Variants in ETFB observed in about 807,000 individuals in gnomAD.
ETFB encodes electron transfer flavoprotein subunit beta.
In ETFB, 20 loss-of-function variants were observed where a neutral mutation model predicts 25.6. That is an observed-to-expected ratio of 0.78 (90% CI 0.55 to 1.14). The LOEUF is 1.14. ETFB is among the 50% of genes most tolerant of loss of function. ETFB has a pLI of 0.00. For synonymous variants in ETFB, 142 were observed against 146.7 expected (o/e 0.97, Z 0.23); for missense variants, 286 against 342.6 (o/e 0.83, Z 1.30).
At chr19:51,352,752 C>T (rs889342580) in intron 3 of ETFB, among the ~76,000 whole-genome samples, 1 of 152,152 alleles carries the variant, frequency 6.6e-6, no homozygotes, top group Non-Finnish European at 1.5e-5. Context: ...CTCAGCCTCC[C>T]AAGTAGCTGG....
chr19:51,345,194 C>T lies in ETFB; in HGVS notation c.*17G>A. The T allele has an allele frequency of 1.2e-6, 2 of 1,613,346 alleles. No homozygotes were observed. The highest frequency in any genetic ancestry group is 1.7e-6 in the Non-Finnish European group (2 of 1,179,318). ...TAGATGTTGAGAGTCAGTTTTATTG[C>T]CATCTCTGGGAGGGGCTCAAATCCG... On this transcript the variant is annotated 3_prime_UTR_variant, in exon 6 of 6. Transcript: ENST00000309244.
chr19:51,362,544 C>T (rs1241436365), intron 1 of ETFB, among the ~76,000 whole-genome samples: 3 of 152,188 alleles, frequency 2.0e-5, no homozygotes, highest in African/African-American at 7.2e-5. Flanking sequence ...CACTGCACTC[C>T]AGCCTGGGCA....
rs4802789 is a variant in ETFB, at chr19:51,350,214, C to T, written c.438+115G>A. On this transcript the variant is annotated intron_variant, in intron 4 of 5. Transcript: ENST00000309244. ...GGAACAAGAAAGCCATGAGGCAATC[C>T]GAGGGAACAGTGTTCCAGGAGGAGA... is the stretch of plus-strand genomic sequence containing the variant. 0.85 allele frequency: 1,019,323 copies of T among 1,192,750 alleles called. 438,859 individuals are homozygous for T. The highest frequency in any genetic ancestry group is 0.94 in the African/African-American group (62,698 of 66,426). The allele number at this position is 1,192,750 out of a possible 1,614,324, so 73.9% of individuals were successfully genotyped here.
intron 1 of ETFB, chr19:51,354,836 G>C: frequency 1.7e-6 from 1 of 592,964 alleles, no homozygotes; most frequent in Non-Finnish European, 2.9e-6. Flanking sequence ...GAAGCCTTTT[G>C]TTCTTTGCGT....
At chr19:51,351,367 C>T (rs550085350) in intron 3 of ETFB, among the ~76,000 whole-genome samples, 15 of 152,250 alleles carry the variant, frequency 9.9e-5, no homozygotes, top group Non-Finnish European at 2.1e-4. Flanking sequence ...GACCCTGGAT[C>T]AAGCTGTGCC....
intron 1 of ETFB, among the ~76,000 whole-genome samples, chr19:51,364,198 G>A (rs1458409719): frequency 6.6e-6 from 1 of 152,134 alleles, no homozygotes; most frequent in African/African-American, 2.4e-5. Flanking sequence ...AGGGCAAGAA[G>A]GGTGGGGGGT....
chr19:51,364,425 G>C (rs543503221), intron 1 of ETFB, among the ~76,000 whole-genome samples: 1 of 152,142 alleles, frequency 6.6e-6, no homozygotes, highest in East Asian at 1.9e-4. Flanking sequence ...GATTCAACGC[G>C]GCCTTCACGC....
At chr19:51,366,140 A>ACGTTAG (rs1986358571) in intron 1 of ETFB, 130 bp downstream of exon 1, 1 of 893,222 alleles carries the variant, frequency 1.1e-6, no homozygotes, top group Non-Finnish European at 1.9e-6. Context: ...CCCTCAGGTG[A>ACGTTAG]CTTTGACGTT....
intron 1 of ETFB, among the ~76,000 whole-genome samples, chr19:51,358,929 G>A (rs939692478): frequency 3.9e-5 from 6 of 151,994 alleles, no homozygotes; most frequent in African/African-American, 1.2e-4. Flanking sequence ...AGCCCAGGAG[G>A]TCAAGGGTGC....
chr19:51,352,985 CA>C, intron 3 of ETFB, 146 bp downstream of exon 3: 1 of 959,342 alleles, frequency 1.0e-6, no homozygotes, highest in Non-Finnish European at 1.6e-6. Context: ...AACTCTCTGT[CA>C]GAAGGGTCAG....
intron 4 of ETFB, chr19:51,347,313 C>T (rs1180894900): frequency 5.7e-6 from 3 of 528,822 alleles, no homozygotes; most frequent in Middle Eastern, 5.1e-4. Flanking sequence ...GCCTTCCTGA[C>T]AGGGAACATG....
chr19:51,353,211 A>C lies in ETFB; in HGVS notation c.296T>G (p.Leu99Trp). ...VEVPPAEAER[L>W]GPLQVARVLA... is the part of the protein sequence containing the mutation. ...GACCCGAGCCACCTGCAGGGGACCC[A>C]AGCGTTCTGCTTCTGCTGGGGGCAC... Residue 99 changes from leucine to tryptophan, a missense_variant, in exon 3 of 6, where the codon TTG becomes TGG. Leu to Trp is a moderately conservative substitution (Grantham distance 61, BLOSUM62 -2). Transcript: ENST00000309244. 6.2e-7 allele frequency: 1 copy of C among 1,614,076 alleles called. No individual in the cohort carries two copies. The highest frequency in any genetic ancestry group is 8.5e-7 in the Non-Finnish European group (1 of 1,179,998).
chr19:51,359,576 T>G (rs1270749493), intron 1 of ETFB, among the ~76,000 whole-genome samples: 5 of 150,550 alleles, frequency 3.3e-5, no homozygotes, highest in Admixed American at 2.0e-4. Flanking sequence ...GTAAGAACTT[T>G]CCAGACACAC....
At chr19:51,362,553 C>A (rs1372660667) in intron 1 of ETFB, among the ~76,000 whole-genome samples, 1 of 152,120 alleles carries the variant, frequency 6.6e-6, no homozygotes, top group African/African-American at 2.4e-5. Flanking sequence ...CCAGCCTGGG[C>A]AACAGAGATA....
At chr19:51,353,983 C>A (rs1294514396) in intron 2 of ETFB, among the ~76,000 whole-genome samples, 167 bp downstream of exon 2, 8 of 148,232 alleles carry the variant, frequency 5.4e-5, no homozygotes, top group Non-Finnish European at 3.0e-5. Flanking sequence ...TCCAGGCCCC[C>A]ATCCCCTTCT....
At chr19:51,355,065 G>C (rs1986045439) in intron 1 of ETFB, 1 of 180,908 alleles carries the variant, frequency 5.5e-6, no homozygotes, top group South Asian at 1.1e-4. Flanking sequence ...TACTCAAACA[G>C]CTACAGAGAT....
At position 51,345,246 on chromosome 19, in the gene ETFB, G is replaced by C. The variant is rs1195632363; in HGVS notation, c.733C>G (p.Leu245Val). Residue 245 changes from leucine to valine, a missense_variant, in exon 6 of 6, where the codon CTG (leucine) becomes GTG (valine). Transcript: ENST00000309244. ...AGVKVETTED[L>V]VAKLKEIGRI ...CCAATCTCCTTCAGCTTGGCCACCA[G>C]GTCCTCAGTGGTCTCCACCTTGACG... 1.9e-6 allele frequency: 3 copies of C among 1,614,084 alleles called. No homozygotes were observed. In the African/African-American group the frequency reaches 4.0e-5, roughly 22 times the overall value.
chr19:51,354,641 T>G lies in ETFB; in HGVS notation c.58-333A>C. ...GTAACCCACAGTGAGAGGTACATTT[T>G]ACTGTATCTCCAAGTGTATATAAAT... is the stretch of plus-strand genomic sequence containing the variant. On this transcript the variant is annotated intron_variant, in intron 1 of 5. Transcript: ENST00000309244. 3.7e-6 allele frequency: 6 copies of G among 1,613,002 alleles called. No individual in the cohort carries two copies. Among genetic ancestry groups the G allele is most frequent in the Non-Finnish European group, 5.1e-6 (6 of 1,179,320 alleles).
In ETFB at chr19:51,353,134, G is replaced by C. The variant is rs1568467526; in HGVS notation, c.373C>G (p.Gln125Glu). 1 of 1,613,974 alleles carries C rather than the reference G, an allele frequency of 6.2e-7. No individual in the cohort carries two copies. Among genetic ancestry groups the C allele is most frequent in the Admixed American group, 1.7e-5 (1 of 60,020 alleles). ...CAGGGAGGGCTGACCACAGCTACCT[G>C]TTTGCCCAGCAGCACCAGGTCCACC... The part of the protein sequence containing the change: ...EKVDLVLLGK[Q>E]AIDDDCNQTG... The change falls in exon 3 of 6, where the codon CAG (glutamine) becomes GAG (glutamate). Residue 125 changes from glutamine (Q) to glutamate (E), a missense_variant and splice_region_variant. Coordinates refer to ENST00000309244, the MANE Select transcript of ETFB (RefSeq NM_001985.3).
Sources: allele counts gnomAD v4.1 joint callset (sites outside exome capture counted in the v4.1 genomes callset), GRCh38; gene constraint gnomAD v4.1.1; transcripts MANE v1.5; gene names NCBI Gene and HGNC (gene_info 2026-07-23, HGNC 2026-07-21).